Variants in ULK1 observed in about 807,000 individuals in gnomAD.
ULK1 encodes unc-51 like autophagy activating kinase 1.
A neutral mutation model predicts 117.5 loss-of-function variants in ULK1; 48 were observed. That is an observed-to-expected ratio of 0.41 (90% confidence interval 0.32 to 0.52). The LOEUF (loss-of-function observed/expected upper bound fraction) is 0.52, where lower values mean the gene tolerates loss of function less well. Ranked by LOEUF, ULK1 falls within the 20% of genes least tolerant of loss-of-function variation. The pLI, the probability that ULK1 is intolerant of heterozygous loss-of-function variation, is 0.29. For missense variants in ULK1, 1,387 were observed against 1,473.4 expected (o/e 0.94, Z 0.96); for synonymous variants, 790 against 637.8 (o/e 1.24, Z -3.60).
intron 6 of ULK1, 21 bp downstream of exon 6, chr12:131,908,838 G>A: frequency 6.2e-7 from 1 of 1,604,612 alleles, no homozygotes; most frequent in Non-Finnish European, 8.5e-7. Flanking sequence ...GGGCAGGCAG[G>A]CGGGCCCGGC....
intron 23 of ULK1, 119 bp from the exon 24 acceptor site, chr12:131,919,093 C>T (rs1890028228): frequency 1.7e-6 from 2 of 1,178,940 alleles, no homozygotes; most frequent in African/African-American, 1.5e-5. Context: ...GCTGCCCGGG[C>T]TGCAGCAGGG....
chr12:131,919,565 C>G lies in ULK1; in HGVS notation c.2778C>G (p.Leu926=), dbSNP rs113954208. ...TCGACCAGATCCGGGCCGGCAAGCT[C>G]TGCCTGTCGTCCACTGTGAAGCAGG... is the stretch of plus-strand genomic sequence containing the variant. The part of the protein sequence containing the change: ...SAIDQIRAGK[L]CLSSTVKQVV... The change falls in exon 25 of 28, where the codon CTC becomes CTG. Residue 926 remains leucine, a synonymous_variant. Transcript: ENST00000321867. The G allele has an allele frequency of 6.2e-7, 1 of 1,612,126 alleles. No homozygotes were observed. Among genetic ancestry groups the G allele is most frequent in the South Asian group, 1.1e-5 (1 of 91,086 alleles).
rs1355482929 is a variant in ULK1, at chr12:131,921,586, G to A, written c.*225G>A. 4.4e-6 allele frequency: 3 copies of A among 674,812 alleles called. No individual in the cohort carries two copies. The African/African-American group carries it at 5.4e-5, about 12-fold the overall frequency. 41.8% of individuals were successfully genotyped at this position (674,812 alleles called of 1,614,324 possible). The stretch of plus-strand genomic sequence containing the variant: ...GGGTGTCTCCCATCTTTTACAGGTG[G>A]GGATCACAGAATTTCTGCCCCTCCA... On this transcript the variant is annotated 3_prime_UTR_variant, in exon 28 of 28. Transcript: ENST00000321867.
In ULK1 at chr12:131,908,628, C is replaced by T. The variant is rs775310586; in HGVS notation, c.317-16C>T. The T allele has an allele frequency of 2.7e-6, 4 of 1,472,682 alleles. No homozygotes were observed. The highest frequency in any genetic ancestry group is 2.5e-5 in the Admixed American group (1 of 39,860). The allele number at this position is 1,472,682 out of a possible 1,614,324, so 91.2% of individuals were successfully genotyped here. On this transcript the variant is annotated splice_polypyrimidine_tract_variant and intron_variant, in intron 5 of 27. Coordinates refer to ENST00000321867, the MANE Select transcript of ULK1 (RefSeq NM_003565.4). ...GGAAACACGGCCCCCAGGCCCTGAG[C>T]CGCCTCTCCCCGCAGCCATGCGCAC...
At chr12:131,896,781 C>T (rs1272838428) in intron 3 of ULK1, 4 of 152,414 alleles carry the variant, frequency 2.6e-5, no homozygotes, top group Admixed American at 6.6e-5. Context: ...CCTCCTCTTT[C>T]CTCATCCTCT....
chr12:131,920,921 T>TC (rs1228963098), intron 26 of ULK1, 179 bp from the exon 27 acceptor site: 19 of 850,716 alleles, frequency 2.2e-5, no homozygotes, highest in African/African-American at 1.7e-5. Context: ...AGGCAGTGTC[T>TC]CCCCTTGGCC....
rs1194604508 is a variant in ULK1 at position 131,916,538 on chromosome 12, G to A, written c.2019G>A (p.Gln673=). ...CGGAGGTGGGACCCTTCCATGGTCA[G>A]CCGTTGGGCCCTGGCCTGCGGCCAG... ...DLSEVGPFHG[Q]PLGPGLRPGE... Residue 673 remains glutamine, a synonymous_variant, in exon 20 of 28, where the codon CAG becomes CAA. Coordinates refer to ENST00000321867, the MANE Select transcript of ULK1 (RefSeq NM_003565.4). 5.0e-6 allele frequency: 8 copies of A among 1,609,552 alleles called. No homozygotes were observed. The highest frequency in any genetic ancestry group is 6.8e-6 in the Non-Finnish European group (8 of 1,179,422).
chr12:131,915,141 C>G lies in ULK1; in HGVS notation c.1432C>G (p.Pro478Ala), dbSNP rs1460573519. Residue 478 changes from proline (P) to alanine (A), a missense_variant, in exon 17 of 28, where the codon CCC becomes GCC. Around this residue, in one of 4 missense-constraint regions of ULK1, gnomAD observed 900 missense variants for 858.9 expected, o/e 1.05. Transcript: ENST00000321867. Reference protein sequence around the residue: ...TSPLGFARASPSPPAHAEHGG... With the variant: ...TSPLGFARASASPPAHAEHGG... ...CCCCCTGGGCTTTGCAAGGGCCAGCCCCTCGCCCCCTGCCCACGCTGAGCA... is the reference window on the plus strand; with the variant it reads ...CCCCCTGGGCTTTGCAAGGGCCAGCGCCTCGCCCCCTGCCCACGCTGAGCA... 6.2e-7 allele frequency: 1 copy of G among 1,605,670 alleles called. No homozygotes were observed. Among genetic ancestry groups the G allele is most frequent in the Non-Finnish European group, 8.5e-7 (1 of 1,176,392 alleles).
At chr12:131,906,850 G>A (rs374599779) in intron 3 of ULK1, 42 bp from the exon 4 acceptor site, 57 of 1,613,342 alleles carry the variant, frequency 3.5e-5, no homozygotes, top group Admixed American at 3.5e-4. Flanking sequence ...AGTGGGGCCC[G>A]GTGGCACTGG....
intron 5 of ULK1, 119 bp from the exon 6 acceptor site, chr12:131,908,525 C>T: frequency 4.7e-6 from 6 of 1,282,376 alleles, no homozygotes; most frequent in Non-Finnish European, 6.1e-6. Context: ...GGGTTTCCTC[C>T]CGGCCTGCGG....
At position 131,921,108 on chromosome 12, in the gene ULK1, G is replaced by T. The variant is rs751454599; in HGVS notation, c.2970G>T (p.Ser990=). ...IFSHAVQMVQ[S]AALDEMFQHR... is the part of the protein sequence containing the mutation. The stretch of plus-strand genomic sequence containing the variant: ...TCTGTCCTCGCCCCCAGGTGCAGTC[G>T]GCTGCCCTGGACGAGATGTTCCAGC... The change falls in exon 27 of 28, where the codon TCG becomes TCT. Residue 990 remains serine (S), a synonymous_variant. Coordinates refer to ENST00000321867, the MANE Select transcript of ULK1 (RefSeq NM_003565.4). 1.3e-6 allele frequency: 2 copies of T among 1,595,352 alleles called. No individual in the cohort carries two copies. The highest frequency in any genetic ancestry group is 2.2e-5 in the South Asian group (2 of 90,798).
intron 6 of ULK1, 25 bp downstream of exon 6, chr12:131,908,842 G>C (rs1889391977): frequency 1.2e-6 from 2 of 1,605,290 alleles, no homozygotes; most frequent in Admixed American, 1.7e-5. Flanking sequence ...AGGCAGGCGG[G>C]CCCGGCGGGG....
chr12:131,907,007 G>C (rs1203398322), intron 4 of ULK1, 83 bp downstream of exon 4: 5 of 1,575,584 alleles, frequency 3.2e-6, no homozygotes, highest in South Asian at 1.1e-5. Flanking sequence ...TGGCTGGGGG[G>C]AGGGTGATGA....
chr12:131,909,476 G>A (rs1305077578), intron 8 of ULK1, among the ~76,000 whole-genome samples: 6 of 152,138 alleles, frequency 3.9e-5, no homozygotes, highest in Admixed American at 1.3e-4. Flanking sequence ...CTGTCTGGTC[G>A]CCTGTCTAGT....
rs1301457529 is a variant in ULK1, at chr12:131,913,064, C to CG, written c.1097-133dup. On this transcript the variant is annotated intron_variant, in intron 13 of 27. Transcript: ENST00000321867. Reference sequence around the variant, plus strand: ...ACTGTACCACCCAGGCTCTGCCCCCCGCAAGGCCGCTGTACGAGCTGAGGC... The same window carrying CG: ...ACTGTACCACCCAGGCTCTGCCCCCCGGCAAGGCCGCTGTACGAGCTGAGGC... The CG allele has an allele frequency of 3.8e-5, 30 of 793,574 alleles. No individual in the cohort carries two copies. In the South Asian group the frequency reaches 6.8e-4, roughly 18 times the overall value. 49.2% of individuals were successfully genotyped at this position (793,574 alleles called of 1,614,324 possible).
At chr12:131,908,870 C>A (rs370177188) in intron 6 of ULK1, 28 bp from the exon 7 acceptor site, 4 of 1,607,970 alleles carry the variant, frequency 2.5e-6, no homozygotes, top group Non-Finnish European at 3.4e-6. Flanking sequence ...CCGGGGCCGG[C>A]GCCGGTCCTG....
In ULK1 at chr12:131,903,488, G is replaced by A. The variant is rs1889162806; in HGVS notation, c.247-3404G>A. Among the ~76,000 whole-genome samples, 1 of 152,172 alleles carries A rather than the reference G, an allele frequency of 6.6e-6. No individual in the cohort carries two copies. The highest frequency in any genetic ancestry group is 2.4e-5 in the African/African-American group (1 of 41,448). ...CCTGGGCTCCTGCAGGGCTGGTGTAGTTCAACTTCACAGGAGGCTCTCGGA... is the reference window on the plus strand; with the variant it reads ...CCTGGGCTCCTGCAGGGCTGGTGTAATTCAACTTCACAGGAGGCTCTCGGA... On this transcript the variant is annotated intron_variant, in intron 3 of 27. Transcript: ENST00000321867. The surrounding 1 kb of genome is among the most constrained non-coding windows in gnomAD (Gnocchi z 6.0).
Position 131,920,017 on chromosome 12 carries a change from G to C in ULK1, c.2842G>C (p.Val948Leu). 1 of 1,612,862 alleles carries C rather than the reference G, an allele frequency of 6.2e-7. No homozygotes were observed. The highest frequency in any genetic ancestry group is 1.7e-4 in the Middle Eastern group (1 of 6,058). The change falls in exon 26 of 28, where the codon GTG (valine) becomes CTG (leucine). Residue 948 changes from valine (V) to leucine (L), a missense_variant. Val to Leu is a conservative substitution (Grantham distance 32). Transcript: ENST00000321867. ...RLNELYKASVVSCQGLSLRLQ... is the reference protein window; with the variant it reads ...RLNELYKASVLSCQGLSLRLQ... ...GAATGAGCTGTACAAGGCCAGCGTG[G>C]TGTCCTGCCAGGGCCTGAGCCTGCG...
In ULK1 at chr12:131,908,665, A is replaced by G; in HGVS notation, c.338A>G (p.Asp113Gly). 6.4e-7 allele frequency: 1 copy of G among 1,559,754 alleles called. No individual in the cohort carries two copies. Among genetic ancestry groups the G allele is most frequent in the Non-Finnish European group, 8.6e-7 (1 of 1,157,912 alleles). Residue 113 changes from aspartate to glycine, a missense_variant, in exon 6 of 28, where the codon GAC becomes GGC. By Grantham distance (94) the Asp-to-Gly change is moderately conservative. Transcript: ENST00000321867. The stretch of plus-strand genomic sequence containing the variant: ...GCAGCCATGCGCACGCTGAGCGAGG[A>G]CACCATCAGGCTCTTCCTGCAGCAG... ...YLHAMRTLSE[D>G]TIRLFLQQIA...
Sources: gnomAD v4.1 joint callset for allele counts (sites outside exome capture counted in the v4.1 genomes callset) on GRCh38, gnomAD v4.1.1 for gene constraint, gnomAD v4.1.1 regional missense constraint, Gnocchi (gnomAD v3.1) non-coding constraint, MANE v1.5 for transcripts, NCBI Gene and HGNC (gene_info 2026-07-23, HGNC 2026-07-21) for gene names.